The following CCDC7 variants were observed in gnomAD, a reference collection of about 807,000 sequenced individuals.
CCDC7 encodes the protein coiled-coil domain-containing protein 7.
A neutral mutation model predicts 196.9 loss-of-function variants in CCDC7; 183 were observed. The observed-to-expected ratio is 0.93, with a 90% CI of 0.82 to 1.05. The LOEUF is 1.05. Among genes scored for constraint, CCDC7 ranks in the 50% least tolerant of loss-of-function variants. The pLI, the probability that CCDC7 is intolerant of heterozygous loss-of-function variation, is 0.00. For synonymous variants in CCDC7, 525 were observed against 484.6 expected (o/e 1.08, Z -1.10); for missense variants, 1,540 against 1,482.2 (o/e 1.04, Z -0.64).
chr10:32,819,776 T>C (rs2089755545), intron 31 of CCDC7, among the ~76,000 whole-genome samples: 1 of 152,172 alleles, frequency 6.6e-6, no homozygotes, highest in Non-Finnish European at 1.5e-5. Flanking sequence ...ACCTTCATGC[T>C]AAAAACTCTC....
chr10:32,690,640 C>T (rs1367024588), intron 23 of CCDC7, among the ~76,000 whole-genome samples: 3 of 152,194 alleles, frequency 2.0e-5, no homozygotes, highest in African/African-American at 7.2e-5. Context: ...ACTTTTGCTT[C>T]ATTAAGCTCA....
chr10:32,764,205 A>G (rs1006198476), intron 28 of CCDC7, among the ~76,000 whole-genome samples: 3 of 150,454 alleles, frequency 2.0e-5, no homozygotes, highest in Admixed American at 6.7e-5. Flanking sequence ...CCCAAGACTC[A>G]CCCCCACCAC....
At chr10:32,694,467 G>T (rs1289870744) in intron 23 of CCDC7, among the ~76,000 whole-genome samples, 1 of 152,202 alleles carries the variant, frequency 6.6e-6, no homozygotes, top group African/African-American at 2.4e-5. Context: ...GACATTACGT[G>T]AGGACTTACT....
chr10:32,819,930 A>C (rs2089803140), intron 31 of CCDC7, among the ~76,000 whole-genome samples: 1 of 151,936 alleles, frequency 6.6e-6, no homozygotes, highest in African/African-American at 2.4e-5. Flanking sequence ...CTCTCTCACC[A>C]CTCCTATTCA....
At chr10:32,810,066 A>C (rs1027200321) in intron 30 of CCDC7, among the ~76,000 whole-genome samples, 10 of 132,428 alleles carry the variant, frequency 7.6e-5, no homozygotes, top group Middle Eastern at 3.7e-3. Flanking sequence ...AAGAAAAAGA[A>C]CTCAAATGTT....
At chr10:32,813,597 T>G (rs76784335) in intron 30 of CCDC7, among the ~76,000 whole-genome samples, 9,280 of 152,168 alleles carry the variant, frequency 0.061, 878 homozygotes, top group African/African-American at 0.2. Context: ...AGGCCATGGT[T>G]TGCAGCTTGA....
chr10:32,494,869 T>G (rs1480158733), intron 9 of CCDC7, among the ~76,000 whole-genome samples: 1 of 152,110 alleles, frequency 6.6e-6, no homozygotes, highest in Non-Finnish European at 1.5e-5. Context: ...GTGCATGTGT[T>G]TTTATAGTAG....
intron 25 of CCDC7, among the ~76,000 whole-genome samples, chr10:32,720,967 C>G (rs2082326309): frequency 6.6e-6 from 1 of 152,056 alleles, no homozygotes; most frequent in Non-Finnish European, 1.5e-5. Context: ...GTGGCTCATG[C>G]CTATAGTCCC....
intron 9 of CCDC7, among the ~76,000 whole-genome samples, chr10:32,499,748 C>T (rs1317453759): frequency 6.6e-6 from 1 of 152,066 alleles, no homozygotes; most frequent in Non-Finnish European, 1.5e-5. Flanking sequence ...GAGGGCCCTG[C>T]CGCCTTCCGC....
At chr10:32,510,646 C>T (rs184345559) in intron 9 of CCDC7, among the ~76,000 whole-genome samples, 46 of 152,104 alleles carry the variant, frequency 3.0e-4, no homozygotes, top group African/African-American at 1.1e-3. Flanking sequence ...CATTTTCAGC[C>T]TTTATTGAGA....
intron 8 of CCDC7, among the ~76,000 whole-genome samples, chr10:32,474,544 A>G (rs767111052): frequency 1.3e-5 from 2 of 151,846 alleles, no homozygotes; most frequent in Non-Finnish European, 2.9e-5. Context: ...GCCTAGATTA[A>G]TTTTTGAGGA....
At chr10:32,643,873 T>TTTCAAAATTATTTTGAAAATTAA (rs2067282089) in intron 20 of CCDC7, among the ~76,000 whole-genome samples, 1 of 149,356 alleles carries the variant, frequency 6.7e-6, no homozygotes, top group Non-Finnish European at 1.5e-5. Flanking sequence ...GAAAATTAAT[T>TTTCAAAATTATTTTGAAAATTAA]TTCAAAATTA....
intron 29 of CCDC7, among the ~76,000 whole-genome samples, chr10:32,798,988 G>A (rs2084214810): frequency 6.6e-6 from 1 of 152,166 alleles, no homozygotes; most frequent in Admixed American, 6.5e-5. Context: ...GGGCATTTGA[G>A]CCACTTCCTC....
intron 28 of CCDC7, among the ~76,000 whole-genome samples, chr10:32,735,051 T>C (rs1022755111): frequency 2.6e-5 from 3 of 113,338 alleles, no homozygotes; most frequent in Non-Finnish European, 5.7e-5. Flanking sequence ...GTAAACAGTT[T>C]AGACAGAGGC....
chr10:32,828,727 T>G (rs923482219), intron 32 of CCDC7, among the ~76,000 whole-genome samples: 6 of 152,140 alleles, frequency 3.9e-5, no homozygotes, highest in African/African-American at 1.4e-4. Flanking sequence ...CAGAAGGCCA[T>G]GTATTCTCTG....
intron 11 of CCDC7, among the ~76,000 whole-genome samples, chr10:32,538,793 T>A (rs1054073512): frequency 3.3e-5 from 5 of 152,218 alleles, no homozygotes; most frequent in Non-Finnish European, 7.3e-5. Context: ...ATTTATTGAT[T>A]TGCCTATGTT....
intron 25 of CCDC7, among the ~76,000 whole-genome samples, chr10:32,724,049 C>T (rs2082772000): frequency 6.6e-6 from 1 of 152,006 alleles, no homozygotes; most frequent in Admixed American, 6.6e-5. Flanking sequence ...ACCAAGCAAG[C>T]TCAGCTAGGG....
Position 32,699,683 on chromosome 10 carries a change from T to G in CCDC7, c.2458+4691T>G, listed in dbSNP as rs549518727. On this transcript the variant is annotated intron_variant, in intron 24 of 41. Transcript: ENST00000639629. ...ACAGTCCCACCAACAGTGTAAAAGC[T>G]TTCCTATTTCTATACATCCTCTCCA... Among the ~76,000 whole-genome samples the G allele has an allele frequency of 1.5e-4, 22 of 149,468 alleles. 5 individuals carry two copies. The highest frequency in any genetic ancestry group is 5.4e-4 in the African/African-American group (21 of 38,874).
At chr10:32,849,638 G>A (rs1393155238) in intron 39 of CCDC7, among the ~76,000 whole-genome samples, 1 of 149,350 alleles carries the variant, frequency 6.7e-6, no homozygotes, top group African/African-American at 2.5e-5. Flanking sequence ...AGGAGGTGGA[G>A]GTTGCAGTGA....
Sources: gnomAD v4.1 joint callset for allele counts (sites outside exome capture counted in the v4.1 genomes callset) on GRCh38, gnomAD v4.1.1 for gene constraint, MANE v1.5 for transcripts, NCBI Gene and HGNC (gene_info 2026-07-23, HGNC 2026-07-21) for gene names.